TNS3: variants seen among roughly 807,000 people sequenced by gnomAD.
TNS3 encodes the protein tensin 3.
In TNS3, 45 loss-of-function variants were observed where a neutral mutation model predicts 140.9. The ratio of observed to expected loss-of-function variants is 0.32; its 90% CI spans 0.25 to 0.41. The LOEUF is 0.41. Ranked by LOEUF, TNS3 falls within the 10% of genes least tolerant of loss-of-function variation. TNS3 has a pLI of 1.00. For synonymous variants in TNS3, 815 were observed against 788.4 expected, an observed-to-expected ratio of 1.03 and a Z score of -0.56; for missense variants, 1,716 against 1,906.7, an observed-to-expected ratio of 0.90 and a Z score of 1.86.
At chr7:47,543,602 G>A (rs547352551) in intron 1 of TNS3, among the ~76,000 whole-genome samples, 5 of 152,226 alleles carry the variant, frequency 3.3e-5, no homozygotes, top group Admixed American at 1.3e-4. Context: ...TTACCCACTC[G>A]GGTGGAAGCA....
chr7:47,442,874 C>T (rs1270611857), intron 4 of TNS3, among the ~76,000 whole-genome samples: 1 of 152,214 alleles, frequency 6.6e-6, no homozygotes, highest in Non-Finnish European at 1.5e-5. Context: ...TCAGAGGCAT[C>T]AACACCCCCG....
intron 20 of TNS3, among the ~76,000 whole-genome samples, chr7:47,334,696 T>A (rs1008844712): frequency 1.4e-5 from 2 of 147,426 alleles, no homozygotes; most frequent in Non-Finnish European, 3.0e-5. Flanking sequence ...CTCCGCCTCC[T>A]GGGTTCAAAC....
At chr7:47,418,125 C>T (rs905173269) in intron 10 of TNS3, among the ~76,000 whole-genome samples, 5 of 152,128 alleles carry the variant, frequency 3.3e-5, no homozygotes, top group Non-Finnish European at 5.9e-5. Context: ...CCTGTCTCTA[C>T]AAAAAATTAA....
At chr7:47,528,391 C>A (rs2151937983) in intron 2 of TNS3, among the ~76,000 whole-genome samples, 1 of 152,270 alleles carries the variant, frequency 6.6e-6, no homozygotes, top group South Asian at 2.1e-4. Flanking sequence ...CCCAACCCCG[C>A]AGATGAAATG....
chr7:47,418,634 T>A (rs151249489), intron 10 of TNS3, among the ~76,000 whole-genome samples: 1 of 152,378 alleles, frequency 6.6e-6, no homozygotes, highest in African/African-American at 2.4e-5. Flanking sequence ...CTGGAGATGA[T>A]GTTTTCCATG....
intron 3 of TNS3, among the ~76,000 whole-genome samples, chr7:47,493,989 G>T (rs1354413585): frequency 6.6e-6 from 1 of 152,238 alleles, no homozygotes; most frequent in Non-Finnish European, 1.5e-5. Flanking sequence ...GTTCCTGCTG[G>T]TCTGAAGCTA....
intron 16 of TNS3, among the ~76,000 whole-genome samples, chr7:47,389,281 A>C (rs1206385685): frequency 6.6e-6 from 1 of 151,800 alleles, no homozygotes; most frequent in African/African-American, 2.4e-5. Flanking sequence ...TGCACAGGAC[A>C]CCCCGTCCAG....
rs558997455 is a variant in TNS3, at chr7:47,566,857, T to C, written c.-265+15194A>G. Among the ~76,000 whole-genome samples, 12 of 151,944 alleles carry C rather than the reference T, an allele frequency of 7.9e-5. No homozygotes were observed. The East Asian group carries it at 2.3e-3, about 30-fold the overall frequency. The stretch of plus-strand genomic sequence containing the variant: ...GAGTTCGAGACCAGCCTGGCCAACA[T>C]GGTGAAACCCCGTCTCTACTAACAA... On this transcript the variant is annotated intron_variant, in intron 1 of 30. Transcript: ENST00000311160.
intron 16 of TNS3, among the ~76,000 whole-genome samples, chr7:47,371,095 C>T (rs937637670): frequency 1.3e-5 from 2 of 152,132 alleles, no homozygotes; most frequent in African/African-American, 4.8e-5. Context: ...GGTATGGGCC[C>T]GTCTGCAGTG....
intron 16 of TNS3, among the ~76,000 whole-genome samples, chr7:47,376,554 G>A (rs1483814817): frequency 1.3e-5 from 2 of 152,200 alleles, no homozygotes; most frequent in Non-Finnish European, 2.9e-5. Flanking sequence ...CCATTTTACA[G>A]ATGAGAAATC....
chr7:47,337,309 T>C (rs1788688271), intron 20 of TNS3, among the ~76,000 whole-genome samples: 1 of 152,258 alleles, frequency 6.6e-6, no homozygotes, highest in Non-Finnish European at 1.5e-5. Context: ...GCTATTTCTC[T>C]TGGACACCTA....
chr7:47,544,960 A>G (rs1034360388), intron 1 of TNS3, among the ~76,000 whole-genome samples: 1 of 151,876 alleles, frequency 6.6e-6, no homozygotes, highest in African/African-American at 2.4e-5. Context: ...TAGTTGTACG[A>G]AAAGCCTGGA....
intron 1 of TNS3, among the ~76,000 whole-genome samples, chr7:47,558,064 C>T (rs751972611): frequency 7.9e-5 from 12 of 152,270 alleles, no homozygotes; most frequent in Non-Finnish European, 1.6e-4. Flanking sequence ...CCTGAGCACA[C>T]GAGGCAGGCC....
At chr7:47,376,480 CTG>C (rs1791392470) in intron 16 of TNS3, among the ~76,000 whole-genome samples, 1 of 152,196 alleles carries the variant, frequency 6.6e-6, no homozygotes. Flanking sequence ...GCCCAGCACA[CTG>C]TTAGGCCCCA....
chr7:47,353,937 A>G (rs900381056), intron 17 of TNS3, among the ~76,000 whole-genome samples: 4 of 151,878 alleles, frequency 2.6e-5, no homozygotes, highest in Non-Finnish European at 5.9e-5. Flanking sequence ...GCCTTCACCA[A>G]GAATATTACA....
At chr7:47,363,707 A>G (rs1790528033) in intron 17 of TNS3, among the ~76,000 whole-genome samples, 1 of 152,186 alleles carries the variant, frequency 6.6e-6, no homozygotes, top group Non-Finnish European at 1.5e-5. Flanking sequence ...CTTCCAGTCT[A>G]TGGTTTCCCC....
Position 47,344,814 on chromosome 7 carries a change from G to C in TNS3, c.2591C>G (p.Pro864Arg), listed in dbSNP as rs751056467. Residue 864 changes from proline to arginine, a missense_variant, in exon 20 of 31, where the codon CCG (proline) becomes CGG (arginine). By Grantham distance (103) the Pro-to-Arg change is moderately radical (BLOSUM62 -2). Coordinates refer to ENST00000311160, the MANE Select transcript of TNS3 (RefSeq NM_022748.12). ...PYVKTALRHP[P>R]FSPPEPPLSS... The stretch of plus-strand genomic sequence containing the variant: ...CAGCGGGGGCTCAGGTGGGCTGAAC[G>C]GAGGATGGCGCAGCGCTGTTTTCAC... 2 of 1,613,744 alleles carry C rather than the reference G, an allele frequency of 1.2e-6. No homozygotes were observed. The highest frequency in any genetic ancestry group is 4.5e-5 in the East Asian group (2 of 44,886).
intron 1 of TNS3, among the ~76,000 whole-genome samples, chr7:47,555,414 A>G (rs114161129): frequency 0.026 from 3,901 of 152,234 alleles, 167 homozygotes; most frequent in African/African-American, 0.089. Flanking sequence ...AAAAAAAAAA[A>G]AAAGAAAGTT....
intron 2 of TNS3, among the ~76,000 whole-genome samples, chr7:47,520,324 A>G (rs535177942): frequency 1.7e-4 from 26 of 152,132 alleles, no homozygotes; most frequent in Non-Finnish European, 3.2e-4. Context: ...ATCTGAATAA[A>G]CCAACAGAAA....
Sources: gnomAD v4.1 joint callset for allele counts (sites outside exome capture counted in the v4.1 genomes callset) on GRCh38, gnomAD v4.1.1 for gene constraint, MANE v1.5 for transcripts, NCBI Gene and HGNC (gene_info 2026-07-23, HGNC 2026-07-21) for gene names.